Variants in ADAMTSL1 observed in about 807,000 individuals in gnomAD.
ADAMTSL1 encodes ADAMTS-like protein 1.
ADAMTSL1 carries 126 observed loss-of-function variants against 201.8 expected under a neutral mutation model. The ratio of observed to expected loss-of-function variants is 0.62; its 90% CI spans 0.54 to 0.72. The LOEUF (loss-of-function observed/expected upper bound fraction) is 0.72, where lower values mean the gene tolerates loss of function less well. Ranked by LOEUF, ADAMTSL1 falls within the 30% of genes least tolerant of loss-of-function variation. The pLI, the probability that ADAMTSL1 is intolerant of heterozygous loss-of-function variation, is 0.00. For synonymous variants in ADAMTSL1, 1,121 were observed against 903.4 expected, an observed-to-expected ratio of 1.24 and a Z score of -4.32; for missense variants, 2,679 against 2,277.8, an observed-to-expected ratio of 1.18 and a Z score of -3.59.
chr9:18,332,610 A>T (rs1472515050), intron 2 of ADAMTSL1, among the ~76,000 whole-genome samples: 1 of 152,164 alleles, frequency 6.6e-6, no homozygotes, highest in African/African-American at 2.4e-5. Context: ...GCTACCAGAC[A>T]TGGCAATTTT....
intron 1 of ADAMTSL1, among the ~76,000 whole-genome samples, chr9:18,479,637 A>G (rs935969980): frequency 3.3e-5 from 5 of 152,200 alleles, no homozygotes; most frequent in African/African-American, 1.2e-4. Flanking sequence ...TATCTGTGCC[A>G]TCGCCCATCT....
intron 1 of ADAMTSL1, among the ~76,000 whole-genome samples, chr9:18,042,103 A>T (rs1490314111): frequency 6.6e-6 from 1 of 151,918 alleles, no homozygotes; most frequent in Admixed American, 6.6e-5. Flanking sequence ...GGGAAAAAAA[A>T]AAAAAAAAGC....
intron 2 of ADAMTSL1, among the ~76,000 whole-genome samples, chr9:18,456,373 T>C (rs1160450521): frequency 2.0e-5 from 3 of 152,134 alleles, no homozygotes; most frequent in Non-Finnish European, 4.4e-5. Context: ...GCTAACACAT[T>C]GCTGCATACT....
chr9:18,055,746 A>T (rs545943584), intron 1 of ADAMTSL1, among the ~76,000 whole-genome samples: 1 of 152,350 alleles, frequency 6.6e-6, no homozygotes, highest in East Asian at 1.9e-4. Flanking sequence ...GATATTTATG[A>T]TAGAGAAGAA....
At chr9:18,547,940 A>G (rs1258387040) in intron 3 of ADAMTSL1, among the ~76,000 whole-genome samples, 1 of 152,038 alleles carries the variant, frequency 6.6e-6, no homozygotes, top group Non-Finnish European at 1.5e-5. Flanking sequence ...TTTTCACTAA[A>G]AATGAGCCTG....
chr9:18,576,298 C>T lies in ADAMTSL1; in HGVS notation c.474+2032C>T, dbSNP rs1171765481. ...AGCACTAACAAGAAATTTAGTTTGGCTGGAGAGCCAGATAAGACCTAGCTA... is the reference window on the plus strand; with the variant it reads ...AGCACTAACAAGAAATTTAGTTTGGTTGGAGAGCCAGATAAGACCTAGCTA... On this transcript the variant is annotated intron_variant, in intron 4 of 28. Transcript: ENST00000380548. Among the ~76,000 whole-genome samples the T allele has an allele frequency of 5.3e-5, 8 of 152,220 alleles. No homozygotes were observed. In the South Asian group the frequency reaches 8.3e-4, roughly 16 times the overall value.
chr9:18,851,805 C>T (rs1211469590), intron 23 of ADAMTSL1, among the ~76,000 whole-genome samples: 1 of 152,176 alleles, frequency 6.6e-6, no homozygotes. Flanking sequence ...ATCAGTCAAA[C>T]TTTCCTAGAG....
intron 2 of ADAMTSL1, among the ~76,000 whole-genome samples, chr9:18,507,241 A>G (rs1817726748): frequency 6.6e-6 from 1 of 152,206 alleles, no homozygotes; most frequent in Admixed American, 6.5e-5. Flanking sequence ...GGATTTCTGG[A>G]GACAAGCAGC....
intron 1 of ADAMTSL1, among the ~76,000 whole-genome samples, chr9:18,051,841 CAA>C (rs1012360035): frequency 6.6e-6 from 1 of 151,544 alleles, no homozygotes; most frequent in South Asian, 2.1e-4. Context: ...GCTGAGTAGA[CAA>C]AAAAAAGTAG....
At chr9:18,704,949 G>A (rs1832146921) in intron 13 of ADAMTSL1, among the ~76,000 whole-genome samples, 2 of 152,176 alleles carry the variant, frequency 1.3e-5, no homozygotes, top group South Asian at 4.1e-4. Context: ...CTCTTCAAAG[G>A]TAGCTGGGGT....
In ADAMTSL1 at chr9:18,855,442, A is replaced by G. The variant is rs143786895; in HGVS notation, c.4249+25465A>G. Among the ~76,000 whole-genome samples the G allele has an allele frequency of 2.6e-4, 40 of 152,350 alleles. No homozygotes were observed. In the East Asian group the frequency reaches 5.4e-3, roughly 21 times the overall value. On this transcript the variant is annotated intron_variant, in intron 23 of 28. Coordinates refer to ENST00000380548, the MANE Select transcript of ADAMTSL1 (RefSeq NM_001040272.6). ...GCTGACCATCTGCTGTTCTCTACCCATGAGAACCTATCAAAGCAAATCTTA... is the reference window on the plus strand; with the variant it reads ...GCTGACCATCTGCTGTTCTCTACCCGTGAGAACCTATCAAAGCAAATCTTA...
At chr9:18,699,918 C>A (rs1454373548) in intron 13 of ADAMTSL1, among the ~76,000 whole-genome samples, 1 of 152,090 alleles carries the variant, frequency 6.6e-6, no homozygotes, top group African/African-American at 2.4e-5. Context: ...GTCCTAGAAC[C>A]TTTGAAAAAT....
intron 4 of ADAMTSL1, among the ~76,000 whole-genome samples, chr9:18,579,828 C>T (rs553020696): frequency 6.6e-6 from 1 of 152,242 alleles, no homozygotes; most frequent in African/African-American, 2.4e-5. Context: ...TGCTGTTATT[C>T]ATTTATTTTC....
chr9:18,434,407 G>A (rs773403578), intron 2 of ADAMTSL1, among the ~76,000 whole-genome samples: 3 of 152,070 alleles, frequency 2.0e-5, no homozygotes, highest in Admixed American at 6.6e-5. Context: ...CCTACAGTAC[G>A]CCTGGAACTA....
intron 1 of ADAMTSL1, among the ~76,000 whole-genome samples, chr9:18,502,386 T>C (rs772466678): frequency 8.5e-5 from 13 of 152,222 alleles, no homozygotes; most frequent in Non-Finnish European, 1.5e-4. Context: ...CCTCTCTCAG[T>C]AGTCAGCAAT....
chr9:18,639,192 G>A (rs1827288046), intron 6 of ADAMTSL1, 62 bp from the exon 7 acceptor site: 2 of 1,516,860 alleles, frequency 1.3e-6, no homozygotes, highest in Non-Finnish European at 1.8e-6. Flanking sequence ...TGCATGAAAT[G>A]TGCTTGCCTG....
chr9:18,360,695 C>T (rs927994476), intron 2 of ADAMTSL1: 1 of 152,122 alleles, frequency 6.6e-6, no homozygotes, highest in African/African-American at 2.4e-5. Flanking sequence ...CAGTAGCACT[C>T]CTATTGAGAA....
At chr9:18,757,490 A>C (rs1819840147) in intron 16 of ADAMTSL1, among the ~76,000 whole-genome samples, 1 of 152,060 alleles carries the variant, frequency 6.6e-6, no homozygotes, top group Admixed American at 6.5e-5. Flanking sequence ...AGTGACTCTA[A>C]AGCCAGTACA....
chr9:18,139,972 T>A (rs1826329072), intron 1 of ADAMTSL1, among the ~76,000 whole-genome samples: 1 of 152,186 alleles, frequency 6.6e-6, no homozygotes, highest in Admixed American at 6.5e-5. Flanking sequence ...TGATCTCGTA[T>A]TCAAATAAGT....
Sources: gnomAD v4.1 joint callset for allele counts (sites outside exome capture counted in the v4.1 genomes callset) on GRCh38, gnomAD v4.1.1 for gene constraint, MANE v1.5 for transcripts, NCBI Gene and HGNC (gene_info 2026-07-23, HGNC 2026-07-21) for gene names.